RNLS: variants seen among roughly 807,000 people sequenced by gnomAD.
RNLS encodes the protein renalase.
In RNLS, 39 loss-of-function variants were observed where a neutral mutation model predicts 39.8. The ratio of observed to expected loss-of-function variants is 0.98; its 90% CI spans 0.76 to 1.28. The LOEUF (loss-of-function observed/expected upper bound fraction) is 1.28, where lower values mean the gene tolerates loss of function less well. Among genes scored for constraint, RNLS ranks in the 50% most tolerant of loss-of-function variants. The pLI is 0.00. For missense variants in RNLS, 410 were observed against 413.3 expected, an observed-to-expected ratio of 0.99 and a Z score of 0.07; for synonymous variants, 147 against 150.7, an observed-to-expected ratio of 0.98 and a Z score of 0.18.
At chr10:88,272,494 G>C (rs1007257978), downstream of RNLS, among the ~76,000 whole-genome samples, 1 of 152,122 alleles carries the variant, frequency 6.6e-6, no homozygotes, top group African/African-American at 2.4e-5. Context: ...CCTCTCCAGG[G>C]ATTCTAATTC....
At chr10:88,377,107 G>A (rs1851063350) in intron 4 of RNLS, among the ~76,000 whole-genome samples, 1 of 151,966 alleles carries the variant, frequency 6.6e-6, no homozygotes, top group African/African-American at 2.4e-5. Flanking sequence ...CTACACTTGA[G>A]TTTCTTACTT....
the RNLS span, among the ~76,000 whole-genome samples, chr10:88,249,510 T>G: frequency 6.6e-6 from 1 of 152,314 alleles, no homozygotes; most frequent in South Asian, 2.1e-4. Context: ...GGTTTATCTC[T>G]TGGCCTCAAT....
intron 5 of RNLS, chr10:88,343,623 C>T (rs1013601556): frequency 1.7e-5 from 17 of 985,044 alleles, no homozygotes; most frequent in Non-Finnish European, 1.8e-5. Flanking sequence ...TCCTTGTATT[C>T]GTTCCTTTAA....
the RNLS span, among the ~76,000 whole-genome samples, chr10:88,224,364 A>G: frequency 6.6e-6 from 1 of 152,186 alleles, no homozygotes; most frequent in South Asian, 2.1e-4. Flanking sequence ...TTAAGCTTCA[A>G]AGTGAAATTT....
At chr10:88,310,649 G>A (rs897655933) in intron 6 of RNLS, among the ~76,000 whole-genome samples, 10 of 151,138 alleles carry the variant, frequency 6.6e-5, no homozygotes, top group African/African-American at 9.7e-5. Context: ...AAAATTAACC[G>A]GGAACAGTAG....
chr10:88,326,456 G>A (rs894557010), intron 5 of RNLS, among the ~76,000 whole-genome samples: 4 of 152,182 alleles, frequency 2.6e-5, no homozygotes, highest in Non-Finnish European at 5.9e-5. Flanking sequence ...GAGATGTGTG[G>A]AACTTTGAAC....
chr10:88,501,742 T>C (rs1036398607), intron 4 of RNLS, among the ~76,000 whole-genome samples: 1 of 152,176 alleles, frequency 6.6e-6, no homozygotes, highest in Non-Finnish European at 1.5e-5. Context: ...ACATCATCTA[T>C]AAAATGAACA....
the RNLS span, among the ~76,000 whole-genome samples, chr10:88,245,070 A>AG: frequency 6.6e-6 from 1 of 152,202 alleles, no homozygotes. Flanking sequence ...GAAGAAAAAA[A>AG]GGGGAAAAAA....
chr10:88,473,748 A>C (rs1482822614), intron 4 of RNLS, among the ~76,000 whole-genome samples: 2 of 152,218 alleles, frequency 1.3e-5, no homozygotes, highest in Non-Finnish European at 2.9e-5. Context: ...ATTTTTTAAA[A>C]ATGAAGTTTC....
At chr10:88,199,352 A>G in the RNLS span, among the ~76,000 whole-genome samples, 1 of 152,146 alleles carries the variant, frequency 6.6e-6, no homozygotes. Context: ...TGTCAACCTC[A>G]GCACCATTGA....
At chr10:88,554,925 G>T (rs1257736376) in intron 4 of RNLS, among the ~76,000 whole-genome samples, 3 of 151,998 alleles carry the variant, frequency 2.0e-5, no homozygotes, top group Non-Finnish European at 4.4e-5. Flanking sequence ...CTAATTATTT[G>T]CCCTGCTTCA....
chr10:88,421,250 A>G (rs1045881807), intron 4 of RNLS, among the ~76,000 whole-genome samples: 1 of 151,874 alleles, frequency 6.6e-6, no homozygotes, highest in Non-Finnish European at 1.5e-5. Flanking sequence ...TATTTTACCC[A>G]TAGCCTATGA....
intron 4 of RNLS, among the ~76,000 whole-genome samples, chr10:88,369,658 C>T (rs1850389195): frequency 6.6e-6 from 1 of 152,060 alleles, no homozygotes; most frequent in Non-Finnish European, 1.5e-5. Flanking sequence ...TAACCGTGCC[C>T]ACTGTTTTGT....
chr10:88,545,572 T>G (rs992212874), intron 4 of RNLS: 11 of 421,680 alleles, frequency 2.6e-5, no homozygotes, highest in Admixed American at 2.5e-4. Flanking sequence ...CATGATTCAG[T>G]TACCTCCCAC....
At chr10:88,257,575 CTCAG>C in the RNLS span, among the ~76,000 whole-genome samples, 1 of 152,136 alleles carries the variant, frequency 6.6e-6, no homozygotes, top group South Asian at 2.1e-4. Context: ...ACAAACCAAA[CTCAG>C]TCAGTGCCGA....
At chr10:88,172,447 C>T in the RNLS span, among the ~76,000 whole-genome samples, 2 of 151,942 alleles carry the variant, frequency 1.3e-5, no homozygotes, top group African/African-American at 4.8e-5. Context: ...GCATTTTTTT[C>T]ATATACTTGT....
chr10:88,574,048 C>A (rs980058399), intron 3 of RNLS, among the ~76,000 whole-genome samples: 1 of 151,958 alleles, frequency 6.6e-6, no homozygotes, highest in Non-Finnish European at 1.5e-5. Flanking sequence ...GGCTAAGACA[C>A]GAGAATCGCT....
At chr10:88,449,339 T>C (rs1033741310) in intron 4 of RNLS, among the ~76,000 whole-genome samples, 1 of 152,228 alleles carries the variant, frequency 6.6e-6, no homozygotes, top group African/African-American at 2.4e-5. Context: ...CTTCCATTTA[T>C]TCATGTATCC....
chr10:88,503,618 G>A (rs1845623895), intron 4 of RNLS, among the ~76,000 whole-genome samples: 1 of 152,166 alleles, frequency 6.6e-6, no homozygotes, highest in Non-Finnish European at 1.5e-5. Context: ...GGACTCCAAT[G>A]AGATAATATT....
Sources: allele counts gnomAD v4.1 joint callset (sites outside exome capture counted in the v4.1 genomes callset), GRCh38; gene constraint gnomAD v4.1.1; transcripts MANE v1.5; gene names NCBI Gene and HGNC (gene_info 2026-07-23, HGNC 2026-07-21).